NTRK2: variants seen among roughly 807,000 people sequenced by gnomAD.
The protein encoded by NTRK2 is neurotrophic receptor tyrosine kinase 2.
Under a neutral mutation model 94.5 loss-of-function variants are expected in NTRK2, and 13 were observed. The observed-to-expected ratio is 0.14, with a 90% CI of 0.09 to 0.22. The LOEUF is 0.22. NTRK2 is among the 10% of genes least tolerant of loss of function. The pLI is 1.00. For missense variants in NTRK2, 639 were observed against 1,071.2 expected (o/e 0.60, Z 5.63); for synonymous variants, 372 against 407.4 (o/e 0.91, Z 1.05).
chr9:84,690,202 C>G (rs1229786706), intron 2 of NTRK2, among the ~76,000 whole-genome samples: 1 of 152,164 alleles, frequency 6.6e-6, no homozygotes, highest in Non-Finnish European at 1.5e-5. Context: ...GTGCCAATAT[C>G]AAAACAGACC....
intron 17 of NTRK2, among the ~76,000 whole-genome samples, chr9:85,014,421 T>C (rs949059429): frequency 1.6e-4 from 25 of 152,222 alleles, no homozygotes; most frequent in African/African-American, 5.5e-4. Context: ...GGGAAGAACC[T>C]AGCCTGTCAG....
intron 17 of NTRK2, among the ~76,000 whole-genome samples, chr9:84,961,869 T>G (rs569056347): frequency 6.6e-6 from 1 of 152,312 alleles, no homozygotes; most frequent in African/African-American, 2.4e-5. Flanking sequence ...ATTTAAGATA[T>G]AGACCCTAAA....
intron 14 of NTRK2, among the ~76,000 whole-genome samples, chr9:84,892,086 C>T (rs1001818583): frequency 5.9e-5 from 9 of 152,268 alleles, no homozygotes; most frequent in Admixed American, 5.9e-4. Flanking sequence ...TGAAATAGCA[C>T]AGCAGCTGGA....
chr9:84,772,523 A>G (rs1308602453), intron 12 of NTRK2, among the ~76,000 whole-genome samples: 2 of 152,062 alleles, frequency 1.3e-5, no homozygotes, highest in Non-Finnish European at 2.9e-5. Context: ...GCTGATAAAC[A>G]TTTTACTGAG....
At chr9:84,799,032 A>G (rs1357459268) in intron 12 of NTRK2, among the ~76,000 whole-genome samples, 1 of 151,710 alleles carries the variant, frequency 6.6e-6, no homozygotes, top group African/African-American at 2.4e-5. Context: ...GCCCAAGGTC[A>G]CACAGTCATT....
chr9:84,748,256 C>T (rs1032463683), intron 11 of NTRK2, among the ~76,000 whole-genome samples: 6 of 152,220 alleles, frequency 3.9e-5, no homozygotes. Context: ...ACACAAAATT[C>T]TGTATTTCTC....
In NTRK2 at chr9:84,742,219, T is replaced by A. The variant is rs539162072; in HGVS notation, c.1195+292T>A. ...CCTTAATTGGGAACTAATTACCTGT[T>A]TAAAAGCCATGGCTACCAAGAAAAG... On this transcript the variant is annotated intron_variant, in intron 10 of 18. Coordinates refer to ENST00000277120, the MANE Select transcript of NTRK2 (RefSeq NM_006180.6). Among the ~76,000 whole-genome samples, 35 of 152,318 alleles carry A rather than the reference T, an allele frequency of 2.3e-4. 1 individual carries two copies. Among genetic ancestry groups the A allele is most frequent in the African/African-American group, 7.9e-4 (33 of 41,584 alleles).
chr9:84,968,307 G>A (rs1825793018), intron 17 of NTRK2, among the ~76,000 whole-genome samples: 1 of 152,154 alleles, frequency 6.6e-6, no homozygotes, highest in African/African-American at 2.4e-5. Flanking sequence ...CCTGAGAGGT[G>A]GGCAAGGGTC....
intron 14 of NTRK2, among the ~76,000 whole-genome samples, chr9:84,918,064 T>G (rs2077450148): frequency 6.6e-6 from 1 of 152,216 alleles, no homozygotes; most frequent in East Asian, 1.9e-4. Flanking sequence ...TACAATTGAC[T>G]TACAAAAGTG....
chr9:84,843,436 C>T (rs774603646), intron 12 of NTRK2, among the ~76,000 whole-genome samples: 6 of 152,212 alleles, frequency 3.9e-5, no homozygotes, highest in Non-Finnish European at 4.4e-5. Context: ...CACTGCCCTT[C>T]ACTCCCAGGA....
intron 6 of NTRK2, among the ~76,000 whole-genome samples, chr9:84,712,156 C>T (rs1369319511): frequency 6.6e-6 from 1 of 152,172 alleles, no homozygotes; most frequent in Admixed American, 6.5e-5. Flanking sequence ...GAGAAAGCAT[C>T]TGACTCTTGC....
intron 14 of NTRK2, among the ~76,000 whole-genome samples, chr9:84,905,243 C>G (rs1386308461): frequency 6.6e-6 from 1 of 151,388 alleles, no homozygotes; most frequent in African/African-American, 2.4e-5. Flanking sequence ...GACACTGTTA[C>G]CCCAAACCTA....
At chr9:84,806,368 G>T (rs2133469255) in intron 12 of NTRK2, among the ~76,000 whole-genome samples, 2 of 152,306 alleles carry the variant, frequency 1.3e-5, no homozygotes, top group Middle Eastern at 6.8e-3. Flanking sequence ...TTGGTGGGAG[G>T]AGATCCAGGA....
At chr9:84,698,757 G>A (rs1028394717) in intron 2 of NTRK2, among the ~76,000 whole-genome samples, 2 of 152,154 alleles carry the variant, frequency 1.3e-5, no homozygotes, top group Non-Finnish European at 2.9e-5. Context: ...ATATGTCATT[G>A]TTATTTTAAT....
At chr9:84,951,545 A>ATGTGTGTG (rs5898876) in intron 16 of NTRK2, among the ~76,000 whole-genome samples, 55 of 151,632 alleles carry the variant, frequency 3.6e-4, no homozygotes, top group African/African-American at 1.2e-3. Flanking sequence ...ACATACATGA[A>ATGTGTGTG]TGTGTGTGTG....
chr9:84,952,507 T>G (rs1160560483), intron 16 of NTRK2, among the ~76,000 whole-genome samples: 2 of 152,192 alleles, frequency 1.3e-5, no homozygotes, highest in Non-Finnish European at 1.5e-5. Context: ...GTGTTTTGAT[T>G]TCTAAGACTT....
intron 12 of NTRK2, among the ~76,000 whole-genome samples, chr9:84,761,719 T>A (rs2065584301): frequency 6.6e-6 from 1 of 152,224 alleles, no homozygotes; most frequent in Non-Finnish European, 1.5e-5. Context: ...ACACTAAATA[T>A]CCCTGACTAT....
chr9:84,726,235 C>T lies in NTRK2; in HGVS notation c.854-1419C>T, dbSNP rs139216840. Among the ~76,000 whole-genome samples, 455 of 152,234 alleles carry T rather than the reference C, an allele frequency of 3.0e-3. 1 individual carries two copies. The highest frequency in any genetic ancestry group is 5.0e-3 in the Non-Finnish European group (342 of 68,020). On this transcript the variant is annotated intron_variant, in intron 8 of 18. Coordinates refer to ENST00000277120, the MANE Select transcript of NTRK2 (RefSeq NM_006180.6). ...GGTGTGGTGGCTCACGCCTGTAATC[C>T]CAGCACTTTGGGAGGCCGAGGCGGG...
chr9:84,858,333 T>TTTTG (rs1360992860), intron 12 of NTRK2, among the ~76,000 whole-genome samples: 3 of 152,144 alleles, frequency 2.0e-5, no homozygotes, highest in Non-Finnish European at 2.9e-5. Flanking sequence ...TGAGTGTTTT[T>TTTTG]TTTGTTTGTT....
Sources: gnomAD v4.1 joint callset for allele counts (sites outside exome capture counted in the v4.1 genomes callset) on GRCh38, gnomAD v4.1.1 for gene constraint, MANE v1.5 for transcripts, NCBI Gene and HGNC (gene_info 2026-07-23, HGNC 2026-07-21) for gene names.